Variants in GRM4 observed in about 807,000 individuals in gnomAD.
GRM4 encodes the protein glutamate metabotropic receptor 4, also known as metabotropic glutamate receptor 4.
In GRM4, 28 loss-of-function variants were observed where a neutral mutation model predicts 81.7. The observed-to-expected ratio is 0.34, with a 90% CI of 0.25 to 0.47. The LOEUF (loss-of-function observed/expected upper bound fraction) is 0.47, where lower values mean the gene tolerates loss of function less well. Ranked by LOEUF, GRM4 falls within the 20% of genes least tolerant of loss-of-function variation. The pLI is 1.00. For synonymous variants in GRM4, 488 were observed against 528.8 expected, an observed-to-expected ratio of 0.92 and a Z score of 1.06; for missense variants, 948 against 1,290.0, an observed-to-expected ratio of 0.73 and a Z score of 4.06.
intron 2 of GRM4, among the ~76,000 whole-genome samples, chr6:34,127,480 C>T (rs1770066332): frequency 6.6e-6 from 1 of 152,226 alleles, no homozygotes; most frequent in Non-Finnish European, 1.5e-5. Flanking sequence ...CAGGGCCTCT[C>T]AGACAGGAAA....
In GRM4 at chr6:34,121,146, T is replaced by C. The variant is rs943387554; in HGVS notation, c.519+11832A>G. ...TGAGAGCTGCACACACTCCACTTCC[T>C]GCTGAAGTCTCCTCTCAGAACAGTC... is the stretch of plus-strand genomic sequence containing the variant. On this transcript the variant is annotated intron_variant, in intron 2 of 10. Coordinates refer to ENST00000538487, the MANE Select transcript of GRM4 (RefSeq NM_000841.4). The surrounding 1 kb of genome is among the most constrained non-coding windows in gnomAD (Gnocchi z 4.6). Among the ~76,000 whole-genome samples, 5 of 150,924 alleles carry C rather than the reference T, an allele frequency of 3.3e-5. No individual in the cohort carries two copies. Among genetic ancestry groups the C allele is most frequent in the Non-Finnish European group, 5.9e-5 (4 of 67,908 alleles).
chr6:34,099,443 C>T (rs1768713180), intron 2 of GRM4, among the ~76,000 whole-genome samples: 1 of 151,882 alleles, frequency 6.6e-6, no homozygotes, highest in African/African-American at 2.4e-5. Context: ...AGGTGGGCGG[C>T]AGGCACTTAG....
Position 34,130,373 on chromosome 6 carries a change from T to C in GRM4, c.519+2605A>G, listed in dbSNP as rs1247160952. Among the ~76,000 whole-genome samples the C allele has an allele frequency of 6.6e-6, 1 of 152,186 alleles. No individual in the cohort carries two copies. Among genetic ancestry groups the C allele is most frequent in the Non-Finnish European group, 1.5e-5 (1 of 68,034 alleles). On this transcript the variant is annotated intron_variant, in intron 2 of 10. Coordinates refer to ENST00000538487, the MANE Select transcript of GRM4 (RefSeq NM_000841.4). The surrounding 1 kb of genome is among the most constrained non-coding windows in gnomAD (Gnocchi z 4.1). ...CCTCCCGGTCCTGCCTTGCTCTCTG[T>C]GCAGCCTGAGGGGCTCCTGACCCCT...
intron 9 of GRM4, among the ~76,000 whole-genome samples, chr6:34,031,909 C>G (rs889554776): frequency 2.0e-5 from 3 of 152,130 alleles, no homozygotes; most frequent in African/African-American, 4.8e-5. Context: ...TTGACACATA[C>G]ACCTGACCTC....
intron 2 of GRM4, among the ~76,000 whole-genome samples, chr6:34,101,166 TCA>T (rs201194437): frequency 6.6e-6 from 1 of 152,082 alleles, no homozygotes; most frequent in Admixed American, 6.6e-5. Context: ...TGAATTAGAT[TCA>T]CACACACACA....
At chr6:34,104,834 A>G (rs1769038678) in intron 2 of GRM4, among the ~76,000 whole-genome samples, 1 of 152,194 alleles carries the variant, frequency 6.6e-6, no homozygotes, top group Admixed American at 6.5e-5. Context: ...GGGTAAGGAC[A>G]GGGAGGCCTC....
chr6:34,139,780 G>A (rs777773913), intron 1 of GRM4, among the ~76,000 whole-genome samples: 12 of 152,338 alleles, frequency 7.9e-5, no homozygotes, highest in Non-Finnish European at 1.6e-4. Context: ...AGTGGCACTC[G>A]GACCTCGCAC....
intron 3 of GRM4, among the ~76,000 whole-genome samples, chr6:34,071,769 A>G (rs1483043437): frequency 6.6e-6 from 1 of 150,890 alleles, no homozygotes; most frequent in Non-Finnish European, 1.5e-5. Flanking sequence ...CCACACAGAT[A>G]TACAGCACAC....
chr6:34,111,538 G>T lies in GRM4; in HGVS notation c.520-19439C>A, dbSNP rs12055705. ...TGCCCAGCTGCCCATCAAGCAGCTG[G>T]AACTCTTAACTGCCCATGGTAGGCA... On this transcript the variant is annotated intron_variant, in intron 2 of 10. Transcript: ENST00000538487. The surrounding 1 kb of genome is among the most constrained non-coding windows in gnomAD (Gnocchi z 5.1). 6.0e-4 allele frequency among the ~76,000 whole-genome samples: 91 copies of T among 152,326 alleles called. 1 individual carries two copies. The East Asian group carries it at 0.017, about 29-fold the overall frequency.
At chr6:34,097,450 T>C (rs761485631) in intron 2 of GRM4, among the ~76,000 whole-genome samples, 44 of 2,358 alleles carry the variant, frequency 0.019, no homozygotes, top group East Asian at 0.091. Context: ...TGTGTGTGTG[T>C]GCGCGCGCAT....
In GRM4 at chr6:34,059,010, C is replaced by T. The variant is rs1349151958; in HGVS notation, c.991G>A (p.Ala331Thr). The change falls in exon 5 of 11, where the codon GCT becomes ACT. Residue 331 changes from alanine (A) to threonine (T), a missense_variant. Physicochemically the swap from Ala to Thr is moderately conservative, Grantham distance 58 (BLOSUM62 0). Coordinates refer to ENST00000538487, the MANE Select transcript of GRM4 (RefSeq NM_000841.4). The surrounding 1 kb of genome is among the most constrained non-coding windows in gnomAD (Gnocchi z 5.7). ...VLHLEEVAEG[A>T]VTILPKRMSV... is the part of the protein sequence containing the mutation. ...ATCCTCTTGGGGAGGATCGTGACAG[C>T]ACCCTCAGCCACCTCCTCCAGGTGC... 6.2e-7 allele frequency: 1 copy of T among 1,613,624 alleles called. No homozygotes were observed. The highest frequency in any genetic ancestry group is 8.5e-7 in the Non-Finnish European group (1 of 1,179,904).
rs1764608417 is a variant in GRM4 at position 34,034,833 on chromosome 6, C to T, written c.2442+835G>A. On this transcript the variant is annotated intron_variant, in intron 9 of 10. Transcript: ENST00000538487. The surrounding 1 kb of genome is among the most constrained non-coding windows in gnomAD (Gnocchi z 4.0). ...TGGGTCCTTGGTGCACCTTGATGCC[C>T]TGCCTTCAGTGACTCCCAGTACTTC... Among the ~76,000 whole-genome samples, 1 of 152,248 alleles carries T rather than the reference C, an allele frequency of 6.6e-6. No homozygotes were observed. Among genetic ancestry groups the T allele is most frequent in the African/African-American group, 2.4e-5 (1 of 41,464 alleles).
chr6:34,056,788 G>C, intron 5 of GRM4, 104 bp from the exon 6 acceptor site: 1 of 1,269,708 alleles, frequency 7.9e-7, no homozygotes, highest in Non-Finnish European at 1.1e-6. Context: ...CGGAGGGAGA[G>C]AGACCAGGAG....
intron 3 of GRM4, among the ~76,000 whole-genome samples, chr6:34,081,708 G>A (rs1767607389): frequency 1.3e-5 from 2 of 152,192 alleles, no homozygotes; most frequent in African/African-American, 4.8e-5. Flanking sequence ...GCCCATGTAG[G>A]CCTGAGGTGG....
chr6:34,072,835 A>G (rs1767026101), intron 3 of GRM4, among the ~76,000 whole-genome samples: 1 of 151,336 alleles, frequency 6.6e-6, no homozygotes, highest in African/African-American at 2.4e-5. Context: ...ACATCACCAC[A>G]CAGATACACA....
intron 6 of GRM4, among the ~76,000 whole-genome samples, chr6:34,053,786 C>T (rs965255439): frequency 6.6e-6 from 1 of 152,226 alleles, no homozygotes; most frequent in Admixed American, 6.5e-5. Flanking sequence ...TCTAGGGTAA[C>T]CGTATTTTTA....
At chr6:34,082,843 C>A (rs192957246) in intron 3 of GRM4, among the ~76,000 whole-genome samples, 13 of 152,310 alleles carry the variant, frequency 8.5e-5, no homozygotes, top group Admixed American at 8.5e-4. Context: ...CAGGGCAGCA[C>A]AACTCATGAT....
intron 2 of GRM4, among the ~76,000 whole-genome samples, chr6:34,108,679 C>T (rs930412933): frequency 8.5e-5 from 13 of 152,204 alleles, no homozygotes; most frequent in African/African-American, 2.2e-4. Flanking sequence ...CTTCCCTCCA[C>T]GCCTGCAGAG....
intron 2 of GRM4, among the ~76,000 whole-genome samples, chr6:34,102,815 T>A (rs1381024019): frequency 1.3e-5 from 2 of 152,140 alleles, no homozygotes; most frequent in African/African-American, 2.4e-5. Context: ...AGCACCACAG[T>A]GCTGAAGCAC....
Sources: gnomAD v4.1 joint callset for allele counts (sites outside exome capture counted in the v4.1 genomes callset) on GRCh38, gnomAD v4.1.1 for gene constraint, Gnocchi (gnomAD v3.1) non-coding constraint, MANE v1.5 for transcripts, NCBI Gene and HGNC (gene_info 2026-07-23, HGNC 2026-07-21) for gene names.